RARB: variants seen among roughly 807,000 people sequenced by gnomAD.
RARB encodes HBV-activated protein.
RARB carries 17 observed loss-of-function variants against 51.9 expected under a neutral mutation model. That is an observed-to-expected ratio of 0.33 (90% CI 0.22 to 0.49). RARB has a LOEUF of 0.49. Among genes scored for constraint, RARB ranks in the 20% least tolerant of loss-of-function variants. The pLI, the probability that RARB is intolerant of heterozygous loss-of-function variation, is 0.99. For synonymous variants in RARB, 215 were observed against 195.4 expected (o/e 1.10, Z -0.84); for missense variants, 369 against 550.8 (o/e 0.67, Z 3.30).
At chr3:24,991,551 A>T (rs1006136070) in intron 2 of RARB, among the ~76,000 whole-genome samples, 2 of 152,130 alleles carry the variant, frequency 1.3e-5, no homozygotes, top group South Asian at 2.1e-4. Flanking sequence ...TGTAGTAAAC[A>T]TAATGTTCAA....
At chr3:25,402,583 A>T (rs1481945646) in intron 5 of RARB, among the ~76,000 whole-genome samples, 2 of 152,258 alleles carry the variant, frequency 1.3e-5, no homozygotes, top group Admixed American at 6.5e-5. Flanking sequence ...ATGGATAAAG[A>T]AAATGTGATA....
chr3:24,920,053 A>T (rs572289355), intron 2 of RARB, among the ~76,000 whole-genome samples: 46 of 152,382 alleles, frequency 3.0e-4, no homozygotes, highest in African/African-American at 1.0e-3. Context: ...CAAACCAAAG[A>T]GAATGAATTT....
chr3:25,322,277 C>T (rs547522129), intron 5 of RARB, among the ~76,000 whole-genome samples: 1 of 152,072 alleles, frequency 6.6e-6, no homozygotes, highest in East Asian at 1.9e-4. Flanking sequence ...TCAGATAAGC[C>T]ATAGAGGGAT....
At chr3:24,983,830 C>G (rs917353853) in intron 2 of RARB, among the ~76,000 whole-genome samples, 2 of 151,868 alleles carry the variant, frequency 1.3e-5, no homozygotes, top group Non-Finnish European at 2.9e-5. Flanking sequence ...AGAGGGAGTT[C>G]TTTACCTAAG....
chr3:25,265,152 A>T (rs1703094177), intron 5 of RARB, among the ~76,000 whole-genome samples: 1 of 152,172 alleles, frequency 6.6e-6, no homozygotes, highest in Non-Finnish European at 1.5e-5. Flanking sequence ...GCATTTTGTT[A>T]TAGCAGCCCA....
chr3:25,003,407 A>G (rs1575114170), intron 2 of RARB, among the ~76,000 whole-genome samples: 1 of 152,118 alleles, frequency 6.6e-6, no homozygotes, highest in African/African-American at 2.4e-5. Context: ...TTATTATTAA[A>G]TAAAATATAA....
At chr3:24,884,653 T>G (rs1381612640) in intron 2 of RARB, among the ~76,000 whole-genome samples, 1 of 152,218 alleles carries the variant, frequency 6.6e-6, no homozygotes, top group African/African-American at 2.4e-5. Flanking sequence ...TATTTCTAGA[T>G]TTCTTTGTGA....
chr3:25,492,527 G>C (rs1696790383), intron 2 of RARB, among the ~76,000 whole-genome samples: 1 of 152,156 alleles, frequency 6.6e-6, no homozygotes, highest in Admixed American at 6.5e-5. Flanking sequence ...CCACCTTTTT[G>C]TTGGTATTCT....
intron 5 of RARB, among the ~76,000 whole-genome samples, chr3:25,214,780 A>G (rs1221664196): frequency 1.3e-5 from 2 of 152,204 alleles, no homozygotes; most frequent in African/African-American, 4.8e-5. Context: ...CCCTGAAAGG[A>G]TAACATTGCT....
At chr3:25,292,832 G>A (rs1703822041) in intron 5 of RARB, among the ~76,000 whole-genome samples, 1 of 152,088 alleles carries the variant, frequency 6.6e-6, no homozygotes, top group Non-Finnish European at 1.5e-5. Flanking sequence ...GAGAAAACAT[G>A]GTCCTGCCCT....
chr3:25,041,647 T>A (rs755000683), intron 2 of RARB, among the ~76,000 whole-genome samples: 3 of 152,110 alleles, frequency 2.0e-5, no homozygotes, highest in Non-Finnish European at 4.4e-5. Context: ...ACTGCTCTTA[T>A]CCTCAACTCT....
At chr3:24,995,086 G>A (rs1696993452) in intron 2 of RARB, among the ~76,000 whole-genome samples, 1 of 151,996 alleles carries the variant, frequency 6.6e-6, no homozygotes, top group African/African-American at 2.4e-5. Flanking sequence ...GAGTAGTATT[G>A]TCATTTCAAA....
intron 5 of RARB, among the ~76,000 whole-genome samples, chr3:25,204,568 G>T (rs1490656252): frequency 6.6e-6 from 1 of 152,078 alleles, no homozygotes; most frequent in African/African-American, 2.4e-5. Flanking sequence ...ATCTACCTTT[G>T]GTCTTTGATG....
intron 5 of RARB, among the ~76,000 whole-genome samples, chr3:25,266,344 A>G (rs1368845465): frequency 6.6e-6 from 1 of 152,196 alleles, no homozygotes; most frequent in Non-Finnish European, 1.5e-5. Context: ...CTATGCAGGC[A>G]TCCTTTCTAA....
At position 25,580,539 on chromosome 3, in the gene RARB, C is replaced by T; in HGVS notation, c.610-7C>T. 6.3e-7 allele frequency: 1 copy of T among 1,575,884 alleles called. No homozygotes were observed. Among genetic ancestry groups the T allele is most frequent in the Non-Finnish European group, 8.7e-7 (1 of 1,150,972 alleles). Reference sequence around the variant, plus strand: ...CTGTATCTGATGACATTTTCTCTCTCTCCTAGAATTCCAGTGCTGACCATC... The same window carrying T: ...CTGTATCTGATGACATTTTCTCTCTTTCCTAGAATTCCAGTGCTGACCATC... On this transcript the variant is annotated splice_polypyrimidine_tract_variant and splice_region_variant and intron_variant, in intron 4 of 7. Coordinates refer to ENST00000330688, the MANE Select transcript of RARB (RefSeq NM_000965.5).
chr3:24,856,311 T>G (rs886412199), intron 1 of RARB, among the ~76,000 whole-genome samples: 5 of 152,110 alleles, frequency 3.3e-5, no homozygotes, highest in Admixed American at 2.0e-4. Flanking sequence ...GCTTCCTGGA[T>G]TGAATATTCA....
At chr3:24,868,567 C>G (rs1258683247) in intron 2 of RARB, among the ~76,000 whole-genome samples, 1 of 152,114 alleles carries the variant, frequency 6.6e-6, no homozygotes, top group African/African-American at 2.4e-5. Context: ...AAATATAGTT[C>G]AGGCCATGAT....
rs781679430 is a variant in RARB at position 24,953,652 on chromosome 3, G to A, written c.-380+94900G>A. 2.6e-5 allele frequency among the ~76,000 whole-genome samples: 4 copies of A among 152,214 alleles called. No individual in the cohort carries two copies. The East Asian group carries it at 7.7e-4, about 29-fold the overall frequency. On this transcript the variant is annotated intron_variant, in intron 2 of 11. Coordinates refer to the RARB transcript ENST00000383772. ...GACACTGAATAGATAGTAGATAAAT[G>A]ATCTCATATGTCAGAAGAGGCCTTT... is the stretch of plus-strand genomic sequence containing the variant.
chr3:25,551,963 T>C (rs915580738), intron 3 of RARB, among the ~76,000 whole-genome samples: 7 of 152,220 alleles, frequency 4.6e-5, no homozygotes, highest in Admixed American at 4.6e-4. Context: ...AGGCATTTTT[T>C]TTATAACCAT....
Sources: allele counts gnomAD v4.1 joint callset (sites outside exome capture counted in the v4.1 genomes callset), GRCh38; gene constraint gnomAD v4.1.1; transcripts MANE v1.5; gene names NCBI Gene and HGNC (gene_info 2026-07-23, HGNC 2026-07-21).